Variants in CDON observed in about 807,000 individuals in gnomAD.
The protein encoded by CDON is cell adhesion molecule-related/down-regulated by oncogenes.
A neutral mutation model predicts 120.9 loss-of-function variants in CDON; 73 were observed. That is an observed-to-expected ratio of 0.60 (90% CI 0.50 to 0.73). CDON has a LOEUF of 0.73. Among genes scored for constraint, CDON ranks in the 30% least tolerant of loss-of-function variants. The probability of loss-of-function intolerance (pLI) is 0.00; values close to 1 mark genes in which losing one functional copy is unlikely to be tolerated. For synonymous variants in CDON, 566 were observed against 573.5 expected (o/e 0.99, Z 0.19); for missense variants, 1,470 against 1,587.3 (o/e 0.93, Z 1.26).
intron 1 of CDON, among the ~76,000 whole-genome samples, chr11:126,030,319 G>C (rs1185441865): frequency 2.0e-5 from 3 of 152,166 alleles, no homozygotes; most frequent in African/African-American, 7.2e-5. Flanking sequence ...AGTCTTTCCT[G>C]AATTTCTAGA....
At chr11:125,993,714 G>A (rs1946698203) in intron 14 of CDON, among the ~76,000 whole-genome samples, 1 of 152,196 alleles carries the variant, frequency 6.6e-6, no homozygotes, top group African/African-American at 2.4e-5. Context: ...AGGGAGAGAT[G>A]CAAGAGACGT....
intron 6 of CDON, 99 bp downstream of exon 6, chr11:126,016,989 T>A (rs367999926): frequency 1.0e-6 from 1 of 974,466 alleles, no homozygotes; most frequent in South Asian, 1.5e-5. Flanking sequence ...TAGTTCTAGA[T>A]ACTCCCTATT....
chr11:125,975,205 GACAT>G (rs1363730895), intron 18 of CDON, among the ~76,000 whole-genome samples: 5 of 152,128 alleles, frequency 3.3e-5, no homozygotes, highest in African/African-American at 4.8e-5. Flanking sequence ...AGACATTACA[GACAT>G]AGAGATTTTT....
At chr11:126,050,495 A>AACAC (rs10643446) in intron 1 of CDON, among the ~76,000 whole-genome samples, 7,568 of 143,030 alleles carry the variant, frequency 0.053, 314 homozygotes, top group East Asian at 0.14. Context: ...GTAAGTAGCA[A>AACAC]ACACACACAC....
At chr11:126,053,281 G>T (rs748326522) in intron 1 of CDON, among the ~76,000 whole-genome samples, 17 of 152,146 alleles carry the variant, frequency 1.1e-4, no homozygotes, top group Admixed American at 5.9e-4. Context: ...ACTCTAATGT[G>T]GCCCTACTCA....
chr11:126,018,833 G>T (rs2134679638), intron 4 of CDON, among the ~76,000 whole-genome samples: 1 of 152,322 alleles, frequency 6.6e-6, no homozygotes, highest in Non-Finnish European at 1.5e-5. Context: ...ACTTCCCAAA[G>T]TGCTGGGATT....
At chr11:125,995,419 G>A (rs1946753254) in intron 12 of CDON, among the ~76,000 whole-genome samples, 1 of 152,146 alleles carries the variant, frequency 6.6e-6, no homozygotes, top group Non-Finnish European at 1.5e-5. Context: ...AGTATTAGTT[G>A]AACTATCTGT....
At position 125,989,706 on chromosome 11, in the gene CDON, T is replaced by C. The variant is rs757647711; in HGVS notation, c.2704A>G (p.Ile902Val). Residue 902 changes from isoleucine (I) to valine (V), a missense_variant, in exon 15 of 20, where the codon ATT (isoleucine) becomes GTT (valine). Transcript: ENST00000531738. ...GHLQPETSYD[I>V]KMQCFNEGGE... ...CCTTCATTGAAGCATTGCATTTTAATGTCATAGGAGGTTTCTGGCTGCAGG... is the reference window on the plus strand; with the variant it reads ...CCTTCATTGAAGCATTGCATTTTAACGTCATAGGAGGTTTCTGGCTGCAGG... The C allele has an allele frequency of 1.2e-6, 2 of 1,612,930 alleles. No homozygotes were observed. Among genetic ancestry groups the C allele is most frequent in the Non-Finnish European group, 8.5e-7 (1 of 1,179,114 alleles).
intron 11 of CDON, among the ~76,000 whole-genome samples, chr11:125,999,106 A>C (rs140860911): frequency 6.4e-4 from 98 of 152,380 alleles, no homozygotes; most frequent in Middle Eastern, 6.8e-3. Context: ...CAAAGCAGGC[A>C]ATGCTGAGTG....
At chr11:125,983,338 C>G (rs186637096) in intron 16 of CDON, among the ~76,000 whole-genome samples, 38 of 152,290 alleles carry the variant, frequency 2.5e-4, no homozygotes, top group Admixed American at 2.4e-3. Context: ...TTCAAGCACA[C>G]GTATTCCTAG....
intron 7 of CDON, among the ~76,000 whole-genome samples, chr11:126,014,501 C>G (rs1947401874): frequency 6.6e-6 from 1 of 152,114 alleles, no homozygotes; most frequent in African/African-American, 2.4e-5. Context: ...GAGAGTGATT[C>G]AGTAATCTCT....
intron 1 of CDON, among the ~76,000 whole-genome samples, chr11:126,054,474 T>A (rs971466480): frequency 2.0e-5 from 3 of 152,228 alleles, no homozygotes; most frequent in African/African-American, 7.2e-5. Context: ...AAAGCTTTCG[T>A]TTATCTTCAT....
rs149701880 is a variant in CDON, at chr11:126,025,952, G to A, written c.-61-2415C>T. On this transcript the variant is annotated intron_variant, in intron 1 of 19. Coordinates refer to ENST00000531738, the MANE Select transcript of CDON (RefSeq NM_001378964.1). The stretch of plus-strand genomic sequence containing the variant: ...TCTCTTCTATGCTACCTCTACACCT[G>A]GGACATGCGTAACCACAGCACCCAA... Among the ~76,000 whole-genome samples the A allele has an allele frequency of 6.2e-4, 94 of 152,214 alleles. 1 individual carries two copies. In the East Asian group the frequency reaches 0.011, roughly 18 times the overall value.
intron 14 of CDON, among the ~76,000 whole-genome samples, chr11:125,992,545 T>C (rs1371239249): frequency 6.6e-6 from 1 of 152,140 alleles, no homozygotes; most frequent in Non-Finnish European, 1.5e-5. Flanking sequence ...AGACAGCTAC[T>C]ATCGTGAGTC....
chr11:126,020,198 T>C (rs986919875), intron 3 of CDON, among the ~76,000 whole-genome samples: 1 of 152,186 alleles, frequency 6.6e-6, no homozygotes, highest in African/African-American at 2.4e-5. Flanking sequence ...TCTAGAACCA[T>C]AAAGCATAAT....
chr11:125,971,622 T>C (rs1171892252), intron 18 of CDON, among the ~76,000 whole-genome samples: 1 of 152,186 alleles, frequency 6.6e-6, no homozygotes, highest in Non-Finnish European at 1.5e-5. Flanking sequence ...TTCTCTTGAC[T>C]ATCAGCCATG....
At chr11:125,981,965 A>T (rs11220299) in intron 16 of CDON, among the ~76,000 whole-genome samples, 3,201 of 32,884 alleles carry the variant, frequency 0.097, 100 homozygotes, top group East Asian at 0.21. Context: ...AAGTGATTCT[A>T]TTTTCTTTTT....
chr11:125,984,493 T>A (rs1946406275), intron 15 of CDON, among the ~76,000 whole-genome samples: 1 of 152,146 alleles, frequency 6.6e-6, no homozygotes, highest in African/African-American at 2.4e-5. Context: ...GCTCAGGAGT[T>A]TGCGAACGGC....
intron 7 of CDON, chr11:126,014,997 A>G (rs1947418504): frequency 1.9e-6 from 1 of 522,376 alleles, no homozygotes; most frequent in Non-Finnish European, 3.4e-6. Flanking sequence ...TACCATATAG[A>G]TTTTTAAAGT....
Sources: gnomAD v4.1 joint callset for allele counts (sites outside exome capture counted in the v4.1 genomes callset) on GRCh38, gnomAD v4.1.1 for gene constraint, MANE v1.5 for transcripts, NCBI Gene and HGNC (gene_info 2026-07-23, HGNC 2026-07-21) for gene names.